Variants in FANCC observed in about 807,000 individuals in gnomAD.
FANCC encodes the protein Fanconi anemia group C protein.
A neutral mutation model predicts 71.3 loss-of-function variants in FANCC; 55 were observed. The ratio of observed to expected loss-of-function variants is 0.77; its 90% CI spans 0.62 to 0.97. The LOEUF is 0.97. Ranked by LOEUF, FANCC falls within the 50% of genes least tolerant of loss-of-function variation. FANCC has a pLI of 0.00. For missense variants in FANCC, 678 were observed against 670.9 expected, an observed-to-expected ratio of 1.01 and a Z score of -0.12; for synonymous variants, 275 against 244.9, an observed-to-expected ratio of 1.12 and a Z score of -1.15.
At chr9:95,276,980 T>TA in intron 1 of FANCC, among the ~76,000 whole-genome samples, 1 of 152,344 alleles carries the variant, frequency 6.6e-6, no homozygotes, top group Admixed American at 6.5e-5. Flanking sequence ...ATTCTGTTTT[T>TA]AGCACTGGTA....
At chr9:95,311,745 GAA>G (rs1835419546) in intron 1 of FANCC, among the ~76,000 whole-genome samples, 2 of 150,966 alleles carry the variant, frequency 1.3e-5, no homozygotes, top group Admixed American at 6.6e-5. Context: ...GTGTGTGTGT[GAA>G]AAACCGCAGC....
In FANCC at chr9:95,278,617, C is replaced by T. The variant is rs190041890; in HGVS notation, c.-78-29248G>A. ...ACAGGGGTAAACAAGTAACACTCTA[C>T]AGTGCACGGTGTCACTAAGCAATGA... On this transcript the variant is annotated intron_variant, in intron 1 of 14. Transcript: ENST00000289081. Among the ~76,000 whole-genome samples, 26 of 152,288 alleles carry T rather than the reference C, an allele frequency of 1.7e-4. No individual in the cohort carries two copies. In the East Asian group the frequency reaches 4.2e-3, roughly 25 times the overall value.
rs145918322 is a variant in FANCC, at chr9:95,225,535, T to C, written c.345+15114A>G. On this transcript the variant is annotated intron_variant, in intron 4 of 14. Transcript: ENST00000289081. ...AACTAAGCCAACTCAGTTAAAGTTATAGTTTAATGGAAAAGCCAACATGAT... is the reference window on the plus strand; with the variant it reads ...AACTAAGCCAACTCAGTTAAAGTTACAGTTTAATGGAAAAGCCAACATGAT... Among the ~76,000 whole-genome samples the C allele has an allele frequency of 3.0e-3, 463 of 152,318 alleles. 3 individuals are homozygous for C. The highest frequency in any genetic ancestry group is 0.011 in the African/African-American group (443 of 41,568).
chr9:95,270,363 A>C (rs1192653697), intron 1 of FANCC, among the ~76,000 whole-genome samples: 1 of 152,218 alleles, frequency 6.6e-6, no homozygotes, highest in African/African-American at 2.4e-5. Context: ...CACCCGGAGA[A>C]ACGGCAAGCA....
At chr9:95,196,912 C>T (rs1827492510) in intron 4 of FANCC, among the ~76,000 whole-genome samples, 1 of 152,218 alleles carries the variant, frequency 6.6e-6, no homozygotes, top group African/African-American at 2.4e-5. Context: ...TAGTCCTAAA[C>T]CATAGGCTCA....
At chr9:95,262,859 C>A (rs749199748) in intron 1 of FANCC, among the ~76,000 whole-genome samples, 1 of 152,070 alleles carries the variant, frequency 6.6e-6, no homozygotes, top group African/African-American at 2.4e-5. Context: ...AGACAAAATG[C>A]GGAAGGACAG....
chr9:95,214,324 G>A (rs1320693263), intron 4 of FANCC, among the ~76,000 whole-genome samples: 2 of 152,120 alleles, frequency 1.3e-5, no homozygotes, highest in Non-Finnish European at 2.9e-5. Flanking sequence ...CCCAGCTACT[G>A]AAGAGGCTGG....
intron 1 of FANCC, chr9:95,292,400 C>G: frequency 9.5e-7 from 1 of 1,050,160 alleles, no homozygotes; most frequent in Non-Finnish European, 1.1e-6. Context: ...GTGCCCGCGC[C>G]GTCCCGGCGG....
chr9:95,105,678 A>ACTT (rs2071389146), intron 14 of FANCC, among the ~76,000 whole-genome samples: 1 of 152,024 alleles, frequency 6.6e-6, no homozygotes, highest in Non-Finnish European at 1.5e-5. Context: ...AAACTCTAGC[A>ACTT]CTTCCTCTCC....
At position 95,102,294 on chromosome 9, in the gene FANCC, C is replaced by T. The variant is rs77475046; in HGVS notation, c.1534-444G>A. Among the ~76,000 whole-genome samples, 366 of 152,288 alleles carry T rather than the reference C, an allele frequency of 2.4e-3. 2 individuals carry two copies. Among genetic ancestry groups the T allele is most frequent in the African/African-American group, 8.4e-3 (349 of 41,558 alleles). ...ATACCACCTGTTTTCACAGAAACAG[C>T]CCCTGGCATCCCTGGGCTAGCAACC... On this transcript the variant is annotated intron_variant, in intron 14 of 14. Transcript: ENST00000289081.
Position 95,142,242 on chromosome 9 carries a change from C to T in FANCC, c.687-6740G>A, listed in dbSNP as rs555781775. On this transcript the variant is annotated intron_variant, in intron 7 of 14. Coordinates refer to ENST00000289081, the MANE Select transcript of FANCC (RefSeq NM_000136.3). ...TCCTGACCTCAGGTGATCCACCTGC[C>T]TCAGCCTTCCAAAGTGCTGGGATTA... Among the ~76,000 whole-genome samples the T allele has an allele frequency of 1.1e-4, 16 of 152,120 alleles. No individual in the cohort carries two copies. In the East Asian group the frequency reaches 2.9e-3, roughly 28 times the overall value.
chr9:95,110,951 A>G, intron 13 of FANCC: 1 of 1,382,458 alleles, frequency 7.2e-7, no homozygotes, highest in Non-Finnish European at 9.4e-7. Context: ...AAAGTGGTTA[A>G]TATCATCTGA....
rs2134548331 is a variant in FANCC, at chr9:95,111,526, C to G, written c.1266G>C (p.Leu422=). ...LMSAAEPPTA[L]LWLLAFYYGP... is the part of the protein sequence containing the mutation. ...CGTAGTAGAAGGCCAAGAGCCACAG[C>G]AGGGCCGTGGGGGGTTCGGCTGCCG... is the stretch of plus-strand genomic sequence containing the variant. The change falls in exon 13 of 15, where the codon CTG becomes CTC. Residue 422 remains leucine, a synonymous_variant. Transcript: ENST00000289081. The G allele has an allele frequency of 6.2e-7, 1 of 1,614,158 alleles. No homozygotes were observed. The highest frequency in any genetic ancestry group is 8.5e-7 in the Non-Finnish European group (1 of 1,180,032).
intron 4 of FANCC, among the ~76,000 whole-genome samples, chr9:95,224,263 G>A (rs1273647001): frequency 1.3e-5 from 2 of 152,144 alleles, no homozygotes; most frequent in East Asian, 1.9e-4. Context: ...TAAAAAGCCC[G>A]AGAGTGAGCC....
intron 1 of FANCC, among the ~76,000 whole-genome samples, chr9:95,261,180 A>G (rs1832022347): frequency 6.6e-6 from 1 of 151,840 alleles, no homozygotes; most frequent in Admixed American, 6.6e-5. Flanking sequence ...CAAAAAATGC[A>G]TGCCTTGAAA....
intron 6 of FANCC, among the ~76,000 whole-genome samples, chr9:95,164,781 G>A (rs1422022017): frequency 1.3e-5 from 2 of 152,112 alleles, no homozygotes; most frequent in African/African-American, 2.4e-5. Flanking sequence ...TTTCGTGTCA[G>A]GGTAATGCTT....
chr9:95,107,712 TGGGGGTCAGGGCG>T (rs2134465588), intron 13 of FANCC, among the ~76,000 whole-genome samples: 1 of 151,956 alleles, frequency 6.6e-6, no homozygotes, highest in East Asian at 1.9e-4. Flanking sequence ...CTTGCTATAT[TGGGGGTCAGGGCG>T]GGGGGTCGGG....
intron 4 of FANCC, among the ~76,000 whole-genome samples, chr9:95,216,942 C>T (rs1423006978): frequency 6.6e-6 from 1 of 152,118 alleles, no homozygotes; most frequent in Non-Finnish European, 1.5e-5. Context: ...AATCTCAGAC[C>T]GGCCACAGTC....
chr9:95,104,591 C>T (rs747202332), intron 14 of FANCC, among the ~76,000 whole-genome samples: 4 of 152,146 alleles, frequency 2.6e-5, no homozygotes, highest in Non-Finnish European at 5.9e-5. Flanking sequence ...GTCTTGAGGG[C>T]GATCTGCTTT....
Sources: gnomAD v4.1 joint callset for allele counts (sites outside exome capture counted in the v4.1 genomes callset) on GRCh38, gnomAD v4.1.1 for gene constraint, MANE v1.5 for transcripts, NCBI Gene and HGNC (gene_info 2026-07-23, HGNC 2026-07-21) for gene names.